ZSCAN4: variants seen among roughly 807,000 people sequenced by gnomAD.
ZSCAN4 encodes the protein zinc finger and SCAN domain-containing protein 4.
ZSCAN4 carries 18 observed loss-of-function variants against 18.3 expected under a neutral mutation model. That is an observed-to-expected ratio of 0.98 (90% CI 0.68 to 1.46). The LOEUF (loss-of-function observed/expected upper bound fraction) is 1.46. ZSCAN4 is among the 40% of genes most tolerant of loss of function. ZSCAN4 has a pLI of 0.00. For missense variants in ZSCAN4, 498 were observed against 511.4 expected (o/e 0.97, Z 0.25); for synonymous variants, 193 against 180.3 (o/e 1.07, Z -0.57).
At chr19:57,663,519 C>CAAAAAAAAAAAAAAAAAAAAAAAA in the ZSCAN4 span, among the ~76,000 whole-genome samples, 6 of 18,314 alleles carry the variant, frequency 3.3e-4, no homozygotes, top group African/African-American at 1.3e-3. Context: ...AACCATGTCT[C>CAAAAAAAAAAAAAAAAAAAAAAAA]TAAAAAAAAA....
intron 3 of ZSCAN4, among the ~76,000 whole-genome samples, chr19:57,677,062 G>C (rs1386693870): frequency 6.6e-6 from 1 of 152,174 alleles, no homozygotes. Context: ...ACAGGTGTGA[G>C]ACCAGCCTGA....
chr19:57,655,118 C>T, the ZSCAN4 span, among the ~76,000 whole-genome samples: 4 of 152,206 alleles, frequency 2.6e-5, no homozygotes, highest in Non-Finnish European at 5.9e-5. Context: ...ATATTCAGGC[C>T]ATACCAACCC....
chr19:57,660,933 C>A, the ZSCAN4 span, among the ~76,000 whole-genome samples: 85,836 of 151,956 alleles, frequency 0.56, 24,512 homozygotes, highest in Middle Eastern at 0.62. Context: ...TTGAGCCTTC[C>A]TTACTAGTTA....
chr19:57,666,726 T>C (rs1696500589), upstream of ZSCAN4, among the ~76,000 whole-genome samples: 1 of 152,076 alleles, frequency 6.6e-6, no homozygotes, highest in African/African-American at 2.4e-5. Flanking sequence ...TCTACTAAAA[T>C]ACAAAAATTA....
exon 4 of ZSCAN4, chr19:57,677,920 G>C: frequency 6.5e-7 from 1 of 1,537,476 alleles, no homozygotes; most frequent in Non-Finnish European, 8.7e-7. Flanking sequence ...ACAGGTCCAC[G>C]TCCACATGCA....
chr19:57,678,690 A>C (rs1334652601), exon 5 of ZSCAN4: 1 of 1,614,198 alleles, frequency 6.2e-7, no homozygotes, highest in South Asian at 1.1e-5. Flanking sequence ...GATAATTCAC[A>C]CAGGAAAGAA....
At chr19:57,676,217 G>T in exon 3 of ZSCAN4, 1 of 1,614,122 alleles carries the variant, frequency 6.2e-7, no homozygotes, top group Non-Finnish European at 8.5e-7. Flanking sequence ...AAAATTCAGC[G>T]TTTCAACAAA....
the ZSCAN4 span, among the ~76,000 whole-genome samples, chr19:57,658,719 A>G: frequency 6.6e-6 from 1 of 151,820 alleles, no homozygotes. Context: ...CTGTAATCCC[A>G]GCTACTTGGG....
intron 2 of ZSCAN4, among the ~76,000 whole-genome samples, chr19:57,670,868 C>CTTTT (rs10684021): frequency 2.7e-4 from 39 of 146,658 alleles, no homozygotes; most frequent in South Asian, 1.7e-3. Context: ...TCTAGTAATT[C>CTTTT]TTTTTTTTTT....
At chr19:57,678,125 C>T (rs1984246210) in intron 4 of ZSCAN4, 41 bp from the exon 5 acceptor site, 1 of 1,596,618 alleles carries the variant, frequency 6.3e-7, no homozygotes, top group Non-Finnish European at 8.5e-7. Flanking sequence ...CTATGTGGAC[C>T]CCTTCTTAAG....
the ZSCAN4 span, among the ~76,000 whole-genome samples, chr19:57,657,710 A>G: frequency 3.6e-3 from 545 of 152,262 alleles, 3 homozygotes; most frequent in Non-Finnish European, 5.9e-3. Context: ...CCCCAAGGAT[A>G]CCAAAACCTG....
chr19:57,655,436 C>T, the ZSCAN4 span, among the ~76,000 whole-genome samples: 9 of 152,150 alleles, frequency 5.9e-5, no homozygotes, highest in East Asian at 1.9e-4. Context: ...AAACATTCAG[C>T]GGTACCCCAC....
At chr19:57,677,781 A>C in intron 3 of ZSCAN4, 133 bp from the exon 4 acceptor site, 4 of 700,106 alleles carry the variant, frequency 5.7e-6, no homozygotes, top group Non-Finnish European at 8.8e-6. Context: ...TAACACCATC[A>C]GAGATGGTGG....
chr19:57,660,117 A>G, the ZSCAN4 span, among the ~76,000 whole-genome samples: 2 of 152,194 alleles, frequency 1.3e-5, no homozygotes, highest in Admixed American at 6.5e-5. Flanking sequence ...CATCATTCTG[A>G]CACCAGATGC....
chr19:57,657,056 G>A, the ZSCAN4 span, among the ~76,000 whole-genome samples: 1 of 152,086 alleles, frequency 6.6e-6, no homozygotes, highest in Admixed American at 6.6e-5. Context: ...CATCAGCCTG[G>A]CCAACATGGT....
chr19:57,658,669 A>T, the ZSCAN4 span, among the ~76,000 whole-genome samples: 1 of 151,980 alleles, frequency 6.6e-6, no homozygotes, highest in Non-Finnish European at 1.5e-5. Flanking sequence ...CCCCGTCCCT[A>T]CTAAAAAGGC....
At chr19:57,666,742 G>A (rs570011874), upstream of ZSCAN4, among the ~76,000 whole-genome samples, 8 of 152,094 alleles carry the variant, frequency 5.3e-5, no homozygotes, top group Non-Finnish European at 8.8e-5. Context: ...AATTAGCCGG[G>A]TGTGGTGGCG....
Position 57,676,223 on chromosome 19 carries a change from A to T in ZSCAN4, c.78A>T (p.Gln26His), listed in dbSNP as rs779514724. Residue 26 changes from glutamine (Q) to histidine (H), a missense_variant, in exon 3 of 5, where the codon CAA becomes CAT. Coordinates refer to ENST00000318203, the Ensembl canonical transcript of ZSCAN4. ...TTGGATCAGAAAATTCAGCGTTTCA[A>T]CAAAGCCAAGGACCTGCTGTTCAGA... The T allele has an allele frequency of 1.2e-6, 2 of 1,614,192 alleles. No homozygotes were observed. The highest frequency in any genetic ancestry group is 3.3e-5 in the Admixed American group (2 of 60,026).
chr19:57,670,084 G>C (rs186561478), intron 1 of ZSCAN4, among the ~76,000 whole-genome samples, 161 bp from the exon 2 acceptor site: 2 of 151,932 alleles, frequency 1.3e-5, no homozygotes, highest in Non-Finnish European at 2.9e-5. Flanking sequence ...TGTATTTTTA[G>C]TAGAGAAAGG....
Sources: gnomAD v4.1 joint callset for allele counts (sites outside exome capture counted in the v4.1 genomes callset) on GRCh38, gnomAD v4.1.1 for gene constraint, MANE v1.5 for transcripts, NCBI Gene and HGNC (gene_info 2026-07-23, HGNC 2026-07-21) for gene names.